Variants in FAM171A1 observed in about 807,000 individuals in gnomAD.
FAM171A1 encodes the protein family with sequence similarity 171 member A1.
In FAM171A1, 23 loss-of-function variants were observed where a neutral mutation model predicts 74.9. That is an observed-to-expected ratio of 0.31 (90% CI 0.22 to 0.44). The LOEUF is 0.44. Ranked by LOEUF, FAM171A1 falls within the 20% of genes least tolerant of loss-of-function variation. The pLI, the probability that FAM171A1 is intolerant of heterozygous loss-of-function variation, is 1.00. For synonymous variants in FAM171A1, 527 were observed against 505.7 expected (o/e 1.04, Z -0.57); for missense variants, 1,162 against 1,159.2 (o/e 1.00, Z -0.03).
At chr10:15,327,933 A>G (rs993934685) in intron 1 of FAM171A1, among the ~76,000 whole-genome samples, 1 of 49,342 alleles carries the variant, frequency 2.0e-5, no homozygotes, top group Non-Finnish European at 4.4e-5. Context: ...CACCTAAAAT[A>G]AAAGTAAAAA....
chr10:15,269,203 T>C (rs146548987), intron 3 of FAM171A1, among the ~76,000 whole-genome samples: 1 of 152,252 alleles, frequency 6.6e-6, no homozygotes, highest in East Asian at 1.9e-4. Context: ...AGCCTCGACC[T>C]CCTGGGCTCA....
chr10:15,234,449 G>A (rs1004415269), intron 5 of FAM171A1, among the ~76,000 whole-genome samples: 2 of 152,120 alleles, frequency 1.3e-5, no homozygotes, highest in Admixed American at 6.6e-5. Flanking sequence ...TATTTTAAAC[G>A]AGAGTACACT....
chr10:15,315,481 C>G (rs1200341599), intron 1 of FAM171A1, among the ~76,000 whole-genome samples: 1 of 152,212 alleles, frequency 6.6e-6, no homozygotes, highest in African/African-American at 2.4e-5. Context: ...GCTAAGCTTC[C>G]TTCTCAATGA....
intron 1 of FAM171A1, among the ~76,000 whole-genome samples, chr10:15,302,143 G>C (rs956973400): frequency 6.6e-6 from 1 of 152,078 alleles, no homozygotes; most frequent in Non-Finnish European, 1.5e-5. Flanking sequence ...ACCCCCACCT[G>C]CCAGCCACTC....
At chr10:15,225,219 A>G (rs896001610) in intron 5 of FAM171A1, among the ~76,000 whole-genome samples, 2 of 152,220 alleles carry the variant, frequency 1.3e-5, no homozygotes, top group African/African-American at 4.8e-5. Flanking sequence ...TGCATAGAGT[A>G]GGAACTCCAG....
intron 6 of FAM171A1, among the ~76,000 whole-genome samples, chr10:15,219,550 C>CA (rs1834009727): frequency 6.6e-6 from 1 of 152,158 alleles, no homozygotes; most frequent in South Asian, 2.1e-4. Flanking sequence ...TATATCACTA[C>CA]AAAAACAATA....
chr10:15,220,937 G>GT lies in FAM171A1; in HGVS notation c.871+6dup. 3 of 1,607,192 alleles carry GT rather than the reference G, an allele frequency of 1.9e-6. No individual in the cohort carries two copies. The highest frequency in any genetic ancestry group is 4.5e-5 in the East Asian group (2 of 44,788). On this transcript the variant is annotated splice_region_variant and intron_variant, in intron 6 of 7. Coordinates refer to ENST00000378116, the MANE Select transcript of FAM171A1 (RefSeq NM_001010924.2). ...CCGCATCATCGCAAGTGTTGGCTCC[G>GT]TGTTACCTGGGATGGGAGGGGACAT...
chr10:15,228,065 T>C (rs182400250), intron 5 of FAM171A1, among the ~76,000 whole-genome samples: 373 of 152,238 alleles, frequency 2.5e-3, no homozygotes, highest in African/African-American at 8.7e-3. Context: ...AACTCTAAAG[T>C]ATGAAAAACG....
chr10:15,350,358 G>A (rs1835863319), intron 1 of FAM171A1, among the ~76,000 whole-genome samples: 1 of 151,676 alleles, frequency 6.6e-6, no homozygotes, highest in Non-Finnish European at 1.5e-5. Flanking sequence ...TTTTTTTTGA[G>A]ATGGAATCTC....
intron 3 of FAM171A1, among the ~76,000 whole-genome samples, chr10:15,263,003 C>T (rs974588193): frequency 6.6e-6 from 1 of 152,104 alleles, no homozygotes; most frequent in Admixed American, 6.6e-5. Flanking sequence ...GGGCGAGGGG[C>T]ATATGGAGTG....
Position 15,213,493 on chromosome 10 carries a change from CA to C in FAM171A1, c.2094del (p.Lys700SerfsTer45). 1 of 1,614,122 alleles carries C rather than the reference CA, an allele frequency of 6.2e-7. No individual in the cohort carries two copies. Among genetic ancestry groups the C allele is most frequent in the Non-Finnish European group, 8.5e-7 (1 of 1,180,032 alleles). ...LTEKALMELG[G>X]GKPLPHPRAW... ...GCCCGGGGGTGCGGAAGCGGCTTCC[CA>C]CCCCCAAGCTCCATCAGGGCCTTTT... On this transcript the variant is annotated frameshift_variant, in exon 8 of 8. Transcript: ENST00000378116. LOFTEE classifies it high-confidence loss of function. The surrounding 1 kb of genome is among the most constrained non-coding windows in gnomAD (Gnocchi z 6.8).
intron 4 of FAM171A1, among the ~76,000 whole-genome samples, chr10:15,253,157 C>T (rs1452193204): frequency 6.6e-6 from 1 of 152,116 alleles, no homozygotes; most frequent in African/African-American, 2.4e-5. Context: ...GCACCTGCCA[C>T]CACACCCAGC....
At chr10:15,322,921 C>T (rs1221753422) in intron 1 of FAM171A1, among the ~76,000 whole-genome samples, 1 of 151,666 alleles carries the variant, frequency 6.6e-6, no homozygotes, top group African/African-American at 2.4e-5. Flanking sequence ...GGGTGGATCC[C>T]TTGAGGCCAG....
intron 3 of FAM171A1, among the ~76,000 whole-genome samples, chr10:15,262,958 CA>C (rs1834678930): frequency 6.6e-6 from 1 of 152,162 alleles, no homozygotes; most frequent in Non-Finnish European, 1.5e-5. Context: ...TGAAACCAGC[CA>C]CCAGGGCCCT....
chr10:15,297,233 A>AT (rs1178891870), intron 1 of FAM171A1, among the ~76,000 whole-genome samples: 2 of 151,844 alleles, frequency 1.3e-5, no homozygotes, highest in Non-Finnish European at 2.9e-5. Flanking sequence ...TAATTTTGGT[A>AT]TTTTTAGTAG....
intron 1 of FAM171A1, among the ~76,000 whole-genome samples, chr10:15,300,110 T>G (rs1835210536): frequency 6.6e-6 from 1 of 152,210 alleles, no homozygotes; most frequent in South Asian, 2.1e-4. Flanking sequence ...CAGCTGAAGT[T>G]TAGTCAGTGC....
intron 1 of FAM171A1, among the ~76,000 whole-genome samples, chr10:15,284,976 A>T (rs1835018602): frequency 1.3e-5 from 2 of 152,238 alleles, no homozygotes; most frequent in African/African-American, 2.4e-5. Flanking sequence ...GATGAAGTCA[A>T]GTTAGGAATA....
At chr10:15,306,914 C>T (rs1835302519) in intron 1 of FAM171A1, among the ~76,000 whole-genome samples, 1 of 152,188 alleles carries the variant, frequency 6.6e-6, no homozygotes, top group Non-Finnish European at 1.5e-5. Context: ...CCAGACCAAG[C>T]CTCCTAGAGC....
At chr10:15,271,067 C>T (rs372482910) in intron 3 of FAM171A1, among the ~76,000 whole-genome samples, 14 of 152,140 alleles carry the variant, frequency 9.2e-5, no homozygotes, top group Admixed American at 6.5e-4. Context: ...TTCAGACGAT[C>T]GGTAATAACA....
Sources: allele counts gnomAD v4.1 joint callset (sites outside exome capture counted in the v4.1 genomes callset), GRCh38; gene constraint gnomAD v4.1.1; non-coding constraint Gnocchi (gnomAD v3.1); transcripts MANE v1.5; gene names NCBI Gene and HGNC (gene_info 2026-07-23, HGNC 2026-07-21).